Variants in PADI1 observed in about 807,000 individuals in gnomAD.
PADI1 encodes the protein peptidyl arginine deiminase 1, also known as protein-arginine deiminase type-1.
PADI1 carries 65 observed loss-of-function variants against 74.8 expected under a neutral mutation model. The ratio of observed to expected loss-of-function variants is 0.87; its 90% CI spans 0.71 to 1.07. PADI1 has a LOEUF of 1.07. Among genes scored for constraint, PADI1 ranks in the 50% least tolerant of loss-of-function variants. PADI1 has a pLI of 0.00. For synonymous variants in PADI1, 371 were observed against 336.2 expected (o/e 1.10, Z -1.13); for missense variants, 943 against 854.0 (o/e 1.10, Z -1.30).
chr1:17,222,533 C>A, intron 2 of PADI1, 63 bp downstream of exon 2: 2 of 1,280,156 alleles, frequency 1.6e-6, no homozygotes, highest in Non-Finnish European at 2.3e-6. Flanking sequence ...AGGTAAGAGC[C>A]CCACATTGGC....
intron 7 of PADI1, 37 bp from the exon 8 acceptor site, chr1:17,228,911 C>A: frequency 6.4e-7 from 1 of 1,565,732 alleles, no homozygotes. Context: ...GGCTAGGGGT[C>A]CCTGCAGGGC....
chr1:17,244,115 C>G lies in PADI1; in HGVS notation c.1864C>G (p.Pro622Ala). Residue 622 changes from proline to alanine, a missense_variant, in exon 16 of 16, where the codon CCT becomes GCT. Transcript: ENST00000375471. Reference sequence around the variant, plus strand: ...GGAGAAGGTGCAGTCCCTGCTGGAGCCTCTGGGCCTGCACTGCATCTTCAT... The same window carrying G: ...GGAGAAGGTGCAGTCCCTGCTGGAGGCTCTGGGCCTGCACTGCATCTTCAT... ...LEEKVQSLLE[P>A]LGLHCIFIDD... 1 of 1,614,184 alleles carries G rather than the reference C, an allele frequency of 6.2e-7. No homozygotes were observed. The highest frequency in any genetic ancestry group is 2.2e-5 in the East Asian group (1 of 44,886).
chr1:17,210,782 G>A (rs113923862), intron 1 of PADI1, among the ~76,000 whole-genome samples: 1 of 152,222 alleles, frequency 6.6e-6, no homozygotes, highest in African/African-American at 2.4e-5. Context: ...GCCCCGGGGA[G>A]AGGATGCAGG....
In PADI1 at chr1:17,225,873, C is replaced by A. The variant is rs1350049215; in HGVS notation, c.471C>A (p.Asp157Glu). The A allele has an allele frequency of 6.2e-7, 1 of 1,614,108 alleles. No individual in the cohort carries two copies. The highest frequency in any genetic ancestry group is 1.1e-5 in the South Asian group (1 of 91,080). The change falls in exon 5 of 16, where the codon GAC becomes GAA. Residue 157 changes from aspartate to glutamate, a missense_variant. By Grantham distance (45) the Asp-to-Glu change is conservative. Coordinates refer to ENST00000375471, the MANE Select transcript of PADI1 (RefSeq NM_013358.3). The part of the protein sequence containing the change: ...GAILLVNCDR[D>E]NHRSAEPDLT... ...TCTTGCTGGTGAACTGTGACCGGGA[C>A]AATCACAGGTCCGCAGAGCCTGACC...
At chr1:17,221,468 C>CAA (rs35724119) in intron 1 of PADI1, among the ~76,000 whole-genome samples, 18 of 46,694 alleles carry the variant, frequency 3.9e-4, no homozygotes, top group African/African-American at 1.6e-3. Context: ...GACTCTGTCT[C>CAA]AAGAAAAAAA....
rs1343706861 is a variant in PADI1 at position 17,222,344 on chromosome 1, G to A, written c.147G>A (p.Glu49=). ...SFRVSGSSGV[E]VFMVYNRTRV... is the part of the protein sequence containing the mutation. Reference sequence around the variant, plus strand: ...GGGTCTCTGGAAGCTCCGGGGTGGAGGTCTTCATGGTCTACAACCGCACAC... The same window carrying A: ...GGGTCTCTGGAAGCTCCGGGGTGGAAGTCTTCATGGTCTACAACCGCACAC... Residue 49 remains glutamate, a synonymous_variant, in exon 2 of 16, where the codon GAG becomes GAA. Coordinates refer to ENST00000375471, the MANE Select transcript of PADI1 (RefSeq NM_013358.3). 5 of 1,613,986 alleles carry A rather than the reference G, an allele frequency of 3.1e-6. No homozygotes were observed. The highest frequency in any genetic ancestry group is 4.2e-6 in the Non-Finnish European group (5 of 1,179,960).
At position 17,239,755 on chromosome 1, in the gene PADI1, A is replaced by G. The variant is rs1423592074; in HGVS notation, c.1604A>G (p.His535Arg). The change falls in exon 14 of 16, where the codon CAC becomes CGC. Residue 535 changes from histidine to arginine, a missense_variant. Physicochemically the swap from His to Arg is conservative, Grantham distance 29 (BLOSUM62 0). Transcript: ENST00000375471. ...RSINEMLADR[H>R]LQRDNLHAQK... ...ATTAATGAGATGCTGGCAGACAGAC[A>G]CCTCCAGAGAGACAATCTTCATGCA... 2 of 1,613,828 alleles carry G rather than the reference A, an allele frequency of 1.2e-6. No homozygotes were observed. Among genetic ancestry groups the G allele is most frequent in the Non-Finnish European group, 1.7e-6 (2 of 1,179,822 alleles).
chr1:17,228,959 G>A lies in PADI1; in HGVS notation c.837G>A (p.Glu279=), dbSNP rs367921307. The A allele has an allele frequency of 1.3e-5, 20 of 1,599,618 alleles. 1 individual carries two copies. In the Admixed American group the frequency reaches 1.4e-4, roughly 11 times the overall value. ...CATTTTCCCCTCAGACCCTGCCCGA[G>A]GTGACCCTCTTCACAGACACTGTGG... ...VSLVDPGTLP[E]VTLFTDTVGF... The change falls in exon 8 of 16, where the codon GAG becomes GAA. Residue 279 remains glutamate (E), a synonymous_variant. Transcript: ENST00000375471.
At chr1:17,237,602 T>C in intron 12 of PADI1, 144 bp downstream of exon 12, 1 of 654,184 alleles carries the variant, frequency 1.5e-6, no homozygotes, top group Non-Finnish European at 2.4e-6. Context: ...CAGGGCACCC[T>C]GACACGCTCA....
At chr1:17,207,820 C>G (rs577402865) in intron 1 of PADI1, among the ~76,000 whole-genome samples, 1 of 152,212 alleles carries the variant, frequency 6.6e-6, no homozygotes, top group Non-Finnish European at 1.5e-5. Flanking sequence ...GGAACCTTCA[C>G]CTGGGTGTTG....
chr1:17,208,263 G>A (rs1051705646), intron 1 of PADI1, among the ~76,000 whole-genome samples: 1 of 152,166 alleles, frequency 6.6e-6, no homozygotes, highest in African/African-American at 2.4e-5. Flanking sequence ...GGGGCTGTGT[G>A]AACTGGTTAT....
At chr1:17,205,455 G>A in intron 1 of PADI1, 146 bp downstream of exon 1, 1 of 693,894 alleles carries the variant, frequency 1.4e-6, no homozygotes, top group Non-Finnish European at 2.5e-6. Context: ...TGTGGAGTCT[G>A]GAAGGAAGGA....
At chr1:17,241,982 G>A (rs1478997443) in intron 15 of PADI1, among the ~76,000 whole-genome samples, 1 of 152,220 alleles carries the variant, frequency 6.6e-6, no homozygotes, top group African/African-American at 2.4e-5. Context: ...GTCGGAATCA[G>A]GATGCAGGTT....
chr1:17,238,717 C>A lies in PADI1; in HGVS notation c.1552+8C>A. ...AGGCAGCCCAGTTTGATGGTGAGTG[C>A]CAATGACCCGGTCACCCCTGGGGGA... is the stretch of plus-strand genomic sequence containing the variant. On this transcript the variant is annotated splice_region_variant and intron_variant, in intron 13 of 15. Coordinates refer to ENST00000375471, the MANE Select transcript of PADI1 (RefSeq NM_013358.3). The A allele has an allele frequency of 2.1e-6, 3 of 1,452,210 alleles. No homozygotes were observed. Among genetic ancestry groups the A allele is most frequent in the South Asian group, 2.7e-5 (2 of 74,224 alleles). 90.0% of individuals were successfully genotyped at this position (1,452,210 alleles called of 1,614,324 possible). A position where few individuals can be genotyped will look rare whatever the true frequency, so the allele number is the denominator to read the frequency against.
At chr1:17,209,106 C>T (rs918159901) in intron 1 of PADI1, among the ~76,000 whole-genome samples, 3 of 152,150 alleles carry the variant, frequency 2.0e-5, no homozygotes, top group Non-Finnish European at 2.9e-5. Flanking sequence ...AAACAGAGTT[C>T]GAAAACTTGT....
In PADI1 at chr1:17,227,990, T is replaced by C. The variant is rs146619058; in HGVS notation, c.653-635T>C. ...TGGTGTAGCATGAATCAGTGCTTCA[T>C]TACTTTTCTTATGTTTTAGAGACAG... On this transcript the variant is annotated intron_variant, in intron 6 of 15. Transcript: ENST00000375471. Among the ~76,000 whole-genome samples, 5 of 152,338 alleles carry C rather than the reference T, an allele frequency of 3.3e-5. No homozygotes were observed. The East Asian group carries it at 9.6e-4, about 29-fold the overall frequency.
intron 10 of PADI1, among the ~76,000 whole-genome samples, 156 bp downstream of exon 10, chr1:17,230,835 G>A (rs1294106988): frequency 6.6e-6 from 1 of 152,218 alleles, no homozygotes; most frequent in Non-Finnish European, 1.5e-5. Context: ...TGGGGAGCCA[G>A]TGCGGAGTTT....
At chr1:17,242,477 G>A (rs1569857386) in intron 15 of PADI1, among the ~76,000 whole-genome samples, 1 of 152,228 alleles carries the variant, frequency 6.6e-6, no homozygotes, top group Non-Finnish European at 1.5e-5. Flanking sequence ...AGCTCTAAGG[G>A]ACTGCTGAGC....
chr1:17,216,707 C>T (rs2071987302), intron 1 of PADI1, among the ~76,000 whole-genome samples: 1 of 151,978 alleles, frequency 6.6e-6, no homozygotes, highest in Non-Finnish European at 1.5e-5. Flanking sequence ...CCCATCTCTA[C>T]TAAAAATACA....
Sources: allele counts gnomAD v4.1 joint callset (sites outside exome capture counted in the v4.1 genomes callset), GRCh38; gene constraint gnomAD v4.1.1; transcripts MANE v1.5; gene names NCBI Gene and HGNC (gene_info 2026-07-23, HGNC 2026-07-21).